Variants in PRRC2B observed in about 807,000 individuals in gnomAD.
The protein encoded by PRRC2B is proline rich coiled-coil 2B.
Under a neutral mutation model 242.3 loss-of-function variants are expected in PRRC2B, and 68 were observed. That is an observed-to-expected ratio of 0.28 (90% CI 0.23 to 0.34). The LOEUF is 0.34. Ranked by LOEUF, PRRC2B falls within the 10% of genes least tolerant of loss-of-function variation. PRRC2B has a pLI of 1.00. For synonymous variants in PRRC2B, 1,228 were observed against 1,173.6 expected (o/e 1.05, Z -0.95); for missense variants, 2,835 against 2,954.8 (o/e 0.96, Z 0.94).
At position 131,470,889 on chromosome 9, in the gene PRRC2B, T is replaced by A; in HGVS notation, c.2013T>A (p.Asp671Glu). Residue 671 changes from aspartate (D) to glutamate (E), a missense_variant, in exon 14 of 32, where the codon GAT becomes GAA. This residue lies in a region of PRRC2B where 1,536 missense variants were observed against 1,483.1 expected (regional missense o/e 1.04). Coordinates refer to ENST00000683519, the MANE Select transcript of PRRC2B (RefSeq NM_013318.4). ...YPHHPQMLGFDPRWMMMPSYM... is the reference protein window; with the variant it reads ...YPHHPQMLGFEPRWMMMPSYM... ...ACCACCCCCAGATGTTGGGCTTCGATCCCAGGTGGATGATGATGCCTTCCT... is the reference window on the plus strand; with the variant it reads ...ACCACCCCCAGATGTTGGGCTTCGAACCCAGGTGGATGATGATGCCTTCCT... 1 of 1,609,550 alleles carries A rather than the reference T, an allele frequency of 6.2e-7. No individual in the cohort carries two copies. The highest frequency in any genetic ancestry group is 8.5e-7 in the Non-Finnish European group (1 of 1,177,494).
chr9:131,426,481 G>C (rs2131317423), intron 1 of PRRC2B, among the ~76,000 whole-genome samples: 1 of 152,228 alleles, frequency 6.6e-6, no homozygotes, highest in Non-Finnish European at 1.5e-5. Context: ...CTAGCCCACG[G>C]AACGATGCTC....
chr9:131,407,938 C>T (rs1038770000), intron 1 of PRRC2B, among the ~76,000 whole-genome samples: 2 of 152,164 alleles, frequency 1.3e-5, no homozygotes, highest in East Asian at 1.9e-4. Flanking sequence ...AATGTTTATT[C>T]GGGCAGCCCG....
intron 3 of PRRC2B, among the ~76,000 whole-genome samples, chr9:131,433,676 C>T (rs1437378895): frequency 6.6e-6 from 1 of 152,214 alleles, no homozygotes; most frequent in East Asian, 1.9e-4. Flanking sequence ...CCCTCCTGGC[C>T]TGCATCTCTG....
At chr9:131,410,500 C>T (rs1036662478) in intron 1 of PRRC2B, among the ~76,000 whole-genome samples, 3 of 152,214 alleles carry the variant, frequency 2.0e-5, no homozygotes, top group Admixed American at 1.3e-4. Context: ...CAGCAGGCGT[C>T]GTTCTTCCAG....
chr9:131,495,069 T>C (rs957440286), intron 31 of PRRC2B, among the ~76,000 whole-genome samples: 1 of 152,138 alleles, frequency 6.6e-6, no homozygotes, highest in African/African-American at 2.4e-5. Flanking sequence ...ATTGCTCTCA[T>C]TGGTTCCCCT....
At chr9:131,457,103 G>C (rs909676985) in intron 10 of PRRC2B, among the ~76,000 whole-genome samples, 1 of 152,160 alleles carries the variant, frequency 6.6e-6, no homozygotes, top group African/African-American at 2.4e-5. Flanking sequence ...TAAAGTAAGT[G>C]CCCATCTTCT....
intron 26 of PRRC2B, 29 bp downstream of exon 26, chr9:131,486,211 T>C (rs754437260): frequency 1.4e-6 from 2 of 1,448,538 alleles, no homozygotes; most frequent in South Asian, 1.2e-5. Flanking sequence ...GTGGCCTGGC[T>C]GGGGGTGGTG....
intron 1 of PRRC2B, among the ~76,000 whole-genome samples, chr9:131,387,586 T>C (rs1836841527): frequency 6.6e-6 from 1 of 150,434 alleles, no homozygotes. Context: ...ACTTAATCCC[T>C]GAGGGATTTG....
chr9:131,378,645 A>G (rs957245422), intron 1 of PRRC2B, among the ~76,000 whole-genome samples: 1 of 152,036 alleles, frequency 6.6e-6, no homozygotes, highest in Admixed American at 6.6e-5. Flanking sequence ...AGGAGAAATT[A>G]ACTAGTGAAA....
intron 16 of PRRC2B, among the ~76,000 whole-genome samples, chr9:131,476,765 C>G (rs1943715075): frequency 1.4e-5 from 2 of 143,790 alleles, no homozygotes; most frequent in Admixed American, 6.8e-5. Context: ...GCTCTTGAGG[C>G]CACTGTCCAG....
At chr9:131,481,946 G>C (rs1401730305) in intron 20 of PRRC2B, 138 bp downstream of exon 20, 2 of 773,968 alleles carry the variant, frequency 2.6e-6, no homozygotes, top group African/African-American at 3.4e-5. Context: ...TGTTTCCATG[G>C]GGCCAAGCTC....
At chr9:131,405,577 A>G (rs1165073460) in intron 1 of PRRC2B, among the ~76,000 whole-genome samples, 1 of 152,142 alleles carries the variant, frequency 6.6e-6, no homozygotes, top group East Asian at 1.9e-4. Context: ...TAGTTCTTCC[A>G]GGAGATCACA....
In PRRC2B at chr9:131,492,254, C is replaced by G; in HGVS notation, c.6467C>G (p.Thr2156Ser). The G allele has an allele frequency of 6.2e-7, 1 of 1,613,458 alleles. No homozygotes were observed. The highest frequency in any genetic ancestry group is 8.5e-7 in the Non-Finnish European group (1 of 1,179,472). Residue 2156 changes from threonine to serine, a missense_variant, in exon 30 of 32, where the codon ACC becomes AGC. By Grantham distance (58) the Thr-to-Ser change is moderately conservative (BLOSUM62 1). Around this residue, in one of 7 missense-constraint regions of PRRC2B, gnomAD observed 574 missense variants for 626.0 expected, o/e 0.92. Coordinates refer to ENST00000683519, the MANE Select transcript of PRRC2B (RefSeq NM_013318.4). ...GGAGGCCCCGTGCCATCGCCACAGA[C>G]CTACAGGTAAAGCCACTCCCTGGGG... ...PSGGPVPSPQ[T>S]YRPSSASPSG...
At chr9:131,477,644 G>A (rs1020962408) in intron 16 of PRRC2B, 100 bp from the exon 17 acceptor site, 10 of 708,064 alleles carry the variant, frequency 1.4e-5, no homozygotes, top group Admixed American at 9.5e-5. Context: ...GAGGAAGTGG[G>A]CCTAGATCAG....
intron 9 of PRRC2B, among the ~76,000 whole-genome samples, chr9:131,452,972 A>G (rs1394035502): frequency 3.3e-5 from 5 of 152,138 alleles, no homozygotes; most frequent in African/African-American, 1.2e-4. Context: ...TTCAGATCTT[A>G]CTGTATATTT....
intron 28 of PRRC2B, among the ~76,000 whole-genome samples, chr9:131,489,245 C>T (rs1371193224): frequency 2.1e-5 from 3 of 146,340 alleles, no homozygotes; most frequent in South Asian, 2.1e-4. Flanking sequence ...AGTGCAGTGG[C>T]GCAATCTCGG....
In PRRC2B at chr9:131,479,283, G is replaced by A. The variant is rs748645237; in HGVS notation, c.4790G>A (p.Arg1597His). The A allele has an allele frequency of 1.4e-5, 22 of 1,613,716 alleles. No homozygotes were observed. Among genetic ancestry groups the A allele is most frequent in the African/African-American group, 2.7e-5 (2 of 74,974 alleles). Residue 1597 changes from arginine (R) to histidine (H), a missense_variant, in exon 19 of 32, where the codon CGT becomes CAT. Arg to His is a conservative substitution (Grantham distance 29). This residue lies in a region of PRRC2B where 1,536 missense variants were observed against 1,483.1 expected (regional missense o/e 1.04). Transcript: ENST00000683519. ...GTCAAAGGTCGAGGCCTTTCCTCCC[G>A]TATTCCTCCTCGATTTGCAAAAAAG... ...VPVKGRGLSS[R>H]IPPRFAKKQN...
At chr9:131,437,175 C>T (rs184794498) in intron 4 of PRRC2B, among the ~76,000 whole-genome samples, 6 of 152,320 alleles carry the variant, frequency 3.9e-5, no homozygotes, top group Admixed American at 3.9e-4. Context: ...CGGTACTTCT[C>T]AGTGCCTTTC....
At chr9:131,389,623 G>A (rs990091444), upstream of PRRC2B, among the ~76,000 whole-genome samples, 1 of 150,500 alleles carries the variant, frequency 6.6e-6, no homozygotes, top group Non-Finnish European at 1.5e-5. Context: ...GCTTGCTGAG[G>A]TTTGGAGGCT....
Sources: gnomAD v4.1 joint callset for allele counts (sites outside exome capture counted in the v4.1 genomes callset) on GRCh38, gnomAD v4.1.1 for gene constraint, gnomAD v4.1.1 regional missense constraint, MANE v1.5 for transcripts, NCBI Gene and HGNC (gene_info 2026-07-23, HGNC 2026-07-21) for gene names.